The following UBE2D1 variants were observed in gnomAD, a reference collection of about 807,000 sequenced individuals.
The protein encoded by UBE2D1 is ubiquitin-conjugating enzyme E2 D1.
A neutral mutation model predicts 24.6 loss-of-function variants in UBE2D1; 9 were observed. That is an observed-to-expected ratio of 0.37 (90% CI 0.22 to 0.64). The LOEUF (loss-of-function observed/expected upper bound fraction) is 0.64. UBE2D1 is among the 30% of genes least tolerant of loss of function. UBE2D1 has a pLI of 0.64. For synonymous variants in UBE2D1, 57 were observed against 57.6 expected, an observed-to-expected ratio of 0.99 and a Z score of 0.04; for missense variants, 87 against 177.1, an observed-to-expected ratio of 0.49 and a Z score of 2.89.
intron 1 of UBE2D1, among the ~76,000 whole-genome samples, chr10:58,350,840 T>TA (rs1315054397): frequency 5.3e-5 from 8 of 152,200 alleles, no homozygotes; most frequent in Non-Finnish European, 1.2e-4. Context: ...CGAGTGTACT[T>TA]ACACAAACCT....
chr10:58,367,261 C>T (rs1840265824), intron 5 of UBE2D1, among the ~76,000 whole-genome samples: 1 of 151,790 alleles, frequency 6.6e-6, no homozygotes, highest in Admixed American at 6.6e-5. Flanking sequence ...AATGAGGAAC[C>T]AGAGTCCTTG....
intron 1 of UBE2D1, among the ~76,000 whole-genome samples, chr10:58,358,003 A>G (rs1840151078): frequency 6.6e-6 from 1 of 151,902 alleles, no homozygotes. Flanking sequence ...TTAGTGCATC[A>G]AAAATAATAA....
At chr10:58,360,953 A>G in intron 1 of UBE2D1, 1 of 457,212 alleles carries the variant, frequency 2.2e-6, no homozygotes. Flanking sequence ...CTGAAGTATT[A>G]TTCTTTCTGA....
chr10:58,335,279 T>G, intron 1 of UBE2D1, 54 bp downstream of exon 1: 1 of 1,481,632 alleles, frequency 6.7e-7, no homozygotes, highest in Non-Finnish European at 8.9e-7. Flanking sequence ...CTGCCCACGC[T>G]GACTCGGCCA....
intron 1 of UBE2D1, among the ~76,000 whole-genome samples, chr10:58,357,201 G>A (rs2132326749): frequency 6.6e-6 from 1 of 152,238 alleles, no homozygotes; most frequent in East Asian, 1.9e-4. Context: ...GTGAGTAGGG[G>A]AGAAGGGCAA....
chr10:58,361,296 G>A, intron 1 of UBE2D1, 42 bp from the exon 2 acceptor site: 1 of 1,598,052 alleles, frequency 6.3e-7, no homozygotes, highest in Non-Finnish European at 8.6e-7. Flanking sequence ...GTTTCATTGG[G>A]AAAAGAAGGA....
chr10:58,335,309 G>T, intron 1 of UBE2D1, 84 bp downstream of exon 1: 3 of 1,406,494 alleles, frequency 2.1e-6, no homozygotes, highest in South Asian at 1.4e-5. Context: ...AGAGACATGC[G>T]GGGAGAGCAA....
chr10:58,338,332 T>G (rs1185356883), intron 1 of UBE2D1, among the ~76,000 whole-genome samples: 2 of 152,220 alleles, frequency 1.3e-5, no homozygotes, highest in Non-Finnish European at 2.9e-5. Context: ...ATATACTAAA[T>G]GATTTAATGC....
chr10:58,349,489 A>G (rs1382456755), intron 1 of UBE2D1, among the ~76,000 whole-genome samples: 1 of 152,226 alleles, frequency 6.6e-6, no homozygotes, highest in Non-Finnish European at 1.5e-5. Flanking sequence ...TACACAAAAT[A>G]TATGTATACT....
chr10:58,353,360 C>T (rs2132323886), intron 1 of UBE2D1, among the ~76,000 whole-genome samples: 1 of 152,260 alleles, frequency 6.6e-6, no homozygotes, highest in East Asian at 1.9e-4. Flanking sequence ...TCTGTCCACG[C>T]CACAGACTGC....
At chr10:58,358,769 T>C (rs79823056) in intron 1 of UBE2D1, among the ~76,000 whole-genome samples, 1 of 146,224 alleles carries the variant, frequency 6.8e-6, no homozygotes, top group Non-Finnish European at 1.5e-5. Context: ...TTTCTTTTTC[T>C]TTTTTTTTTT....
At chr10:58,365,582 G>C (rs1840247232) in intron 5 of UBE2D1, among the ~76,000 whole-genome samples, 1 of 152,166 alleles carries the variant, frequency 6.6e-6, no homozygotes, top group Admixed American at 6.5e-5. Context: ...TTTTACAGGG[G>C]TATAGCTGTT....
At chr10:58,345,034 T>C (rs1445059344) in intron 1 of UBE2D1, among the ~76,000 whole-genome samples, 1 of 151,998 alleles carries the variant, frequency 6.6e-6, no homozygotes, top group Non-Finnish European at 1.5e-5. Context: ...CTGGCTAATT[T>C]TTGTATTTTT....
intron 3 of UBE2D1, among the ~76,000 whole-genome samples, chr10:58,362,935 AATGTT>A (rs1441065764): frequency 6.6e-6 from 1 of 152,012 alleles, no homozygotes; most frequent in African/African-American, 2.4e-5. Flanking sequence ...TTTTGCTTGT[AATGTT>A]ATATTTTCTA....
chr10:58,364,030 G>GT lies in UBE2D1; in HGVS notation c.198+356dup, dbSNP rs10708236. ...TTACAAAGTTGATCATTCTTTCTCT[G>GT]TTTTTTTTTTTTAAGTATTCAATAA... On this transcript the variant is annotated intron_variant, in intron 4 of 6. Transcript: ENST00000373910. 1.3e-3 allele frequency among the ~76,000 whole-genome samples: 186 copies of GT among 141,482 alleles called. 2 individuals are homozygous for GT. Among genetic ancestry groups the GT allele is most frequent in the South Asian group, 0.012 (53 of 4,518 alleles). 92.8% of individuals were successfully genotyped at this position (141,482 alleles called of 152,430 possible).
At chr10:58,364,235 A>C (rs1209637808) in intron 4 of UBE2D1, among the ~76,000 whole-genome samples, 1 of 152,166 alleles carries the variant, frequency 6.6e-6, no homozygotes, top group East Asian at 1.9e-4. Flanking sequence ...TTTGTCACTC[A>C]GGATATAATT....
At position 58,363,813 on chromosome 10, in the gene UBE2D1, T is replaced by C; in HGVS notation, c.198+127T>C. On this transcript the variant is annotated intron_variant, in intron 4 of 6. Transcript: ENST00000373910. ...TGTGGGGAGGTTAGCATTTTCAAACTGTTTTGTAAAAACTACTGAATCTAA... is the reference window on the plus strand; with the variant it reads ...TGTGGGGAGGTTAGCATTTTCAAACCGTTTTGTAAAAACTACTGAATCTAA... 6.5e-6 allele frequency: 4 copies of C among 610,798 alleles called. No individual in the cohort carries two copies. In the South Asian group the frequency reaches 1.1e-4, roughly 17 times the overall value. 37.8% of individuals were successfully genotyped at this position (610,798 alleles called of 1,614,324 possible).
intron 3 of UBE2D1, 105 bp downstream of exon 3, chr10:58,361,631 C>T: frequency 6.7e-7 from 1 of 1,488,064 alleles, no homozygotes; most frequent in Non-Finnish European, 9.2e-7. Context: ...TATTCTTGTA[C>T]TTTGAATCAC....
intron 1 of UBE2D1, chr10:58,360,822 G>T: frequency 2.8e-6 from 1 of 355,620 alleles, no homozygotes; most frequent in South Asian, 2.2e-5. Context: ...AGGAGTGGGG[G>T]CCTGAGGTGG....
Sources: gnomAD v4.1 joint callset for allele counts (sites outside exome capture counted in the v4.1 genomes callset) on GRCh38, gnomAD v4.1.1 for gene constraint, MANE v1.5 for transcripts, NCBI Gene and HGNC (gene_info 2026-07-23, HGNC 2026-07-21) for gene names.